DIP2C: variants seen among roughly 807,000 people sequenced by gnomAD.
The protein encoded by DIP2C is DIP2 acetate--CoA ligase C (putative).
A neutral mutation model predicts 192.4 loss-of-function variants in DIP2C; 33 were observed. The observed-to-expected ratio is 0.17, with a 90% confidence interval of 0.13 to 0.23. DIP2C has a LOEUF of 0.23. DIP2C is among the 10% of genes least tolerant of loss of function. The probability of loss-of-function intolerance (pLI) is 1.00; values close to 1 mark genes in which losing one functional copy is unlikely to be tolerated. For synonymous variants in DIP2C, 979 were observed against 864.1 expected (o/e 1.13, Z -2.33); for missense variants, 1,537 against 2,110.1 (o/e 0.73, Z 5.32).
In DIP2C at chr10:622,860, A is replaced by G. The variant is rs529823776; in HGVS notation, c.85+66634T>C. 4.7e-4 allele frequency among the ~76,000 whole-genome samples: 72 copies of G among 152,340 alleles called. No homozygotes were observed. In the South Asian group the frequency reaches 7.5e-3, roughly 16 times the overall value. ...TACTAGATCAAGAGCTGTGTTAGAC[A>G]CTGGGTATGGGGTGATGGGGATACA... On this transcript the variant is annotated intron_variant, in intron 1 of 36. Transcript: ENST00000280886.
intron 9 of DIP2C, among the ~76,000 whole-genome samples, chr10:400,339 T>C (rs1282645375): frequency 6.6e-6 from 1 of 152,252 alleles, no homozygotes; most frequent in Non-Finnish European, 1.5e-5. Flanking sequence ...TGTTTTCTGA[T>C]GGTCCTTAAC....
At chr10:380,260 C>T (rs11816352) in intron 17 of DIP2C, among the ~76,000 whole-genome samples, 5,070 of 149,314 alleles carry the variant, frequency 0.034, 155 homozygotes, top group African/African-American at 0.084. Context: ...AGATGGTTAA[C>T]GTGCAGAAGA....
At chr10:384,279 T>C (rs1962663077) in intron 15 of DIP2C, 133 bp from the exon 16 acceptor site, 2 of 1,174,598 alleles carry the variant, frequency 1.7e-6, no homozygotes, top group African/African-American at 3.5e-5. Flanking sequence ...ACCTTTTTTT[T>C]TTTTTTTTTT....
intron 1 of DIP2C, among the ~76,000 whole-genome samples, chr10:563,374 C>A (rs928301156): frequency 6.6e-6 from 1 of 151,988 alleles, no homozygotes; most frequent in African/African-American, 2.4e-5. Flanking sequence ...TTTAAAAAAC[C>A]TCCTAACAGC....
intron 1 of DIP2C, among the ~76,000 whole-genome samples, chr10:487,565 GTGTTT>G (rs1844105482): frequency 1.9e-5 from 2 of 106,766 alleles, no homozygotes; most frequent in Non-Finnish European, 3.6e-5. Flanking sequence ...CCATCAATGA[GTGTTT>G]TTTTTTTTTT....
intron 22 of DIP2C, among the ~76,000 whole-genome samples, chr10:358,623 T>G (rs1212838859): frequency 4.5e-4 from 1 of 2,226 alleles, no homozygotes; most frequent in Admixed American, 4.7e-3. Flanking sequence ...GGGACGGGGG[T>G]GGGAGGTGGG....
rs772851541 is a variant in DIP2C at position 405,878 on chromosome 10, C to T, written c.1149+3048G>A. Among the ~76,000 whole-genome samples the T allele has an allele frequency of 1.4e-4, 22 of 152,328 alleles. 1 individual carries two copies. Among genetic ancestry groups the T allele is most frequent in the African/African-American group, 3.6e-4 (15 of 41,562 alleles). ...AGGCGAAAGGCTTCAGCACCTTCCA[C>T]GCTACTTCCTGGAACCCGCCCAAGA... On this transcript the variant is annotated intron_variant, in intron 9 of 36. Coordinates refer to ENST00000280886, the MANE Select transcript of DIP2C (RefSeq NM_014974.3).
chr10:526,284 C>G (rs906747800), intron 1 of DIP2C, among the ~76,000 whole-genome samples: 27 of 152,256 alleles, frequency 1.8e-4, no homozygotes, highest in African/African-American at 5.8e-4. Context: ...ACAGCTGTTT[C>G]TATGCTAAAT....
At chr10:535,774 A>G (rs142586306) in intron 1 of DIP2C, among the ~76,000 whole-genome samples, 2 of 152,334 alleles carry the variant, frequency 1.3e-5, no homozygotes, top group Admixed American at 1.3e-4. Context: ...GGGAGCCTAT[A>G]GGTTTGGTTC....
At chr10:568,800 C>CAAAAAAAAA (rs1554739052) in intron 1 of DIP2C, among the ~76,000 whole-genome samples, 6 of 9,514 alleles carry the variant, frequency 6.3e-4, no homozygotes, top group Non-Finnish European at 1.3e-3. Context: ...AAAAAAAAAC[C>CAAAAAAAAA]TTCACTTGAT....
At chr10:489,806 G>A (rs2133577454) in intron 1 of DIP2C, among the ~76,000 whole-genome samples, 1 of 119,814 alleles carries the variant, frequency 8.3e-6, no homozygotes, top group South Asian at 3.5e-4. Flanking sequence ...CGGTGGCTCT[G>A]ACGGTGCCCG....
chr10:356,736 C>A (rs1188813180), intron 23 of DIP2C, among the ~76,000 whole-genome samples: 1 of 152,220 alleles, frequency 6.6e-6, no homozygotes, highest in Non-Finnish European at 1.5e-5. Context: ...GACTTAGGTT[C>A]ACAGCACCCG....
intron 9 of DIP2C, among the ~76,000 whole-genome samples, chr10:405,910 G>A (rs1964770731): frequency 1.3e-5 from 2 of 152,112 alleles, no homozygotes; most frequent in Non-Finnish European, 2.9e-5. Flanking sequence ...AAGAGCTACC[G>A]GCTCATCTTT....
intron 1 of DIP2C, among the ~76,000 whole-genome samples, chr10:522,933 G>A (rs1474042266): frequency 2.0e-5 from 3 of 151,552 alleles, no homozygotes; most frequent in African/African-American, 4.9e-5. Context: ...CTGGAGTGAG[G>A]GAACTGTGTG....
chr10:548,447 G>T (rs1848414222), intron 1 of DIP2C, among the ~76,000 whole-genome samples: 1 of 148,994 alleles, frequency 6.7e-6, no homozygotes, highest in South Asian at 2.1e-4. Context: ...CGGGATGGAG[G>T]GAGGGAGGGA....
chr10:542,042 G>A (rs1261935405), intron 1 of DIP2C, among the ~76,000 whole-genome samples: 2 of 152,136 alleles, frequency 1.3e-5, no homozygotes, highest in East Asian at 1.9e-4. Context: ...TCTTCTATCT[G>A]CGGGAGCCGG....
At chr10:288,197 C>A (rs781476829) in intron 33 of DIP2C, among the ~76,000 whole-genome samples, 167 bp downstream of exon 33, 3 of 152,136 alleles carry the variant, frequency 2.0e-5, no homozygotes, top group Non-Finnish European at 2.9e-5. Context: ...AAAAGTCTAA[C>A]TTGTTTAAAA....
In DIP2C at chr10:362,561, T is replaced by C; in HGVS notation, c.2723A>G (p.His908Arg). The change falls in exon 22 of 37, where the codon CAC becomes CGC. Residue 908 changes from histidine (H) to arginine (R), a missense_variant. Transcript: ENST00000280886. ...TKQLFLEGSL[H>R]PCNVLMCPHT... ...GGGGCACATTAGGACATTGCAGGGGTGCAGAGAGCCCTCCAGAAAAAGCTG... is the reference window on the plus strand; with the variant it reads ...GGGGCACATTAGGACATTGCAGGGGCGCAGAGAGCCCTCCAGAAAAAGCTG... The C allele has an allele frequency of 1.9e-6, 3 of 1,614,068 alleles. No homozygotes were observed. The highest frequency in any genetic ancestry group is 2.5e-6 in the Non-Finnish European group (3 of 1,179,988).
intron 32 of DIP2C, 28 bp from the exon 33 acceptor site, chr10:288,449 A>G (rs759677299): frequency 1.9e-6 from 3 of 1,612,504 alleles, no homozygotes; most frequent in South Asian, 1.1e-5. Flanking sequence ...AAATATTCCT[A>G]GATGTGTTTG....
Sources: allele counts gnomAD v4.1 joint callset (sites outside exome capture counted in the v4.1 genomes callset), GRCh38; gene constraint gnomAD v4.1.1; transcripts MANE v1.5; gene names NCBI Gene and HGNC (gene_info 2026-07-23, HGNC 2026-07-21).